COG7: variants seen among roughly 807,000 people sequenced by gnomAD.
The protein encoded by COG7 is conserved oligomeric Golgi complex subunit 7.
COG7 carries 49 observed loss-of-function variants against 91.5 expected under a neutral mutation model. The ratio of observed to expected loss-of-function variants is 0.54; its 90% confidence interval spans 0.43 to 0.68. The LOEUF is 0.68. Among genes scored for constraint, COG7 ranks in the 30% least tolerant of loss-of-function variants. The probability of loss-of-function intolerance (pLI) is 0.00; values close to 1 mark genes in which losing one functional copy is unlikely to be tolerated. For synonymous variants in COG7, 365 were observed against 388.7 expected (o/e 0.94, Z 0.72); for missense variants, 895 against 961.3 (o/e 0.93, Z 0.91).
At chr16:23,445,308 T>G (rs1964163926) in intron 2 of COG7, 144 bp from the exon 3 acceptor site, 2 of 759,892 alleles carry the variant, frequency 2.6e-6, no homozygotes, top group Non-Finnish European at 4.8e-6. Flanking sequence ...CTGGCTAAAT[T>G]TATTCAGCAG....
At position 23,393,287 on chromosome 16, in the gene COG7, A is replaced by G. The variant is rs761925269; in HGVS notation, c.1948T>C (p.Ser650Pro). 155 of 1,614,094 alleles carry G rather than the reference A, an allele frequency of 9.6e-5. No individual in the cohort carries two copies. The highest frequency in any genetic ancestry group is 1.2e-4 in the Non-Finnish European group (144 of 1,180,050). Reference protein sequence around the residue: ...NLEPFVTQEDSALELALHAGK... With the variant: ...NLEPFVTQEDPALELALHAGK... ...GCGTGCAATGCCAACTCTAAGGCAG[A>G]GTCCTCCTGAGTCACAAATGGCTCA... The change falls in exon 15 of 17, where the codon TCT (serine) becomes CCT (proline). Residue 650 changes from serine (S) to proline (P), a missense_variant. Physicochemically the swap from Ser to Pro is moderately conservative, Grantham distance 74. Transcript: ENST00000307149.
At chr16:23,390,622 G>A (rs775650631) in intron 16 of COG7, among the ~76,000 whole-genome samples, 1 of 151,980 alleles carries the variant, frequency 6.6e-6, no homozygotes, top group Non-Finnish European at 1.5e-5. Context: ...TTAATATTTT[G>A]TAGAGACAGG....
chr16:23,431,329 G>T (rs957854302), intron 6 of COG7, among the ~76,000 whole-genome samples: 3 of 152,166 alleles, frequency 2.0e-5, no homozygotes, highest in Middle Eastern at 6.8e-3. Flanking sequence ...AAAGAAAATG[G>T]GCCACAGGCC....
At chr16:23,405,770 G>A (rs1963450991) in intron 12 of COG7, among the ~76,000 whole-genome samples, 1 of 152,032 alleles carries the variant, frequency 6.6e-6, no homozygotes, top group Non-Finnish European at 1.5e-5. Flanking sequence ...ACCCACCTCG[G>A]CCTCCCAAAG....
In COG7 at chr16:23,442,503, A is replaced by G. The variant is rs777936029; in HGVS notation, c.578T>C (p.Val193Ala). The G allele has an allele frequency of 2.5e-6, 4 of 1,613,962 alleles. No individual in the cohort carries two copies. Among genetic ancestry groups the G allele is most frequent in the Admixed American group, 3.3e-5 (2 of 59,978 alleles). Residue 193 changes from valine to alanine, a missense_variant, in exon 4 of 17, where the codon GTA becomes GCA. By Grantham distance (64) the Val-to-Ala change is moderately conservative. Coordinates refer to ENST00000307149, the MANE Select transcript of COG7 (RefSeq NM_153603.4). Reference sequence around the variant, plus strand: ...TACAGCCTGAGAGGTGAATGCCGCTACAATCTGTGGACTGGCTAGGGCCTC... The same window carrying G: ...TACAGCCTGAGAGGTGAATGCCGCTGCAATCTGTGGACTGGCTAGGGCCTC... The part of the protein sequence containing the change: ...RLEALASPQI[V>A]AAFTSQAVDQ...
At chr16:23,391,413 G>C (rs531311670) in intron 16 of COG7, among the ~76,000 whole-genome samples, 1 of 152,200 alleles carries the variant, frequency 6.6e-6, no homozygotes, top group East Asian at 1.9e-4. Flanking sequence ...AAGGCTGCCT[G>C]TTCCTCTGGT....
At chr16:23,447,637 C>T (rs1964203169) in intron 1 of COG7, among the ~76,000 whole-genome samples, 1 of 151,952 alleles carries the variant, frequency 6.6e-6, no homozygotes, top group African/African-American at 2.4e-5. Context: ...CGTGGTGGCT[C>T]ATGCCTGTAA....
In COG7 at chr16:23,434,738, T is replaced by C. The variant is rs1321641907; in HGVS notation, c.605-20A>G. 1 of 1,544,992 alleles carries C rather than the reference T, an allele frequency of 6.5e-7. No homozygotes were observed. Among genetic ancestry groups the C allele is most frequent in the Non-Finnish European group, 9.0e-7 (1 of 1,117,044 alleles). ...ACTGATCTAAAGAACATACAATGTA[T>C]ATATACTGTTACCAGCCTTTCTGGT... On this transcript the variant is annotated intron_variant, in intron 4 of 16. Coordinates refer to ENST00000307149, the MANE Select transcript of COG7 (RefSeq NM_153603.4).
At chr16:23,441,854 A>G (rs933754001) in intron 4 of COG7, 1 of 153,084 alleles carries the variant, frequency 6.5e-6, no homozygotes, top group Non-Finnish European at 1.5e-5. Context: ...TAGAAGACAG[A>G]ATTCACAGAA....
chr16:23,405,308 C>G (rs1185321706), intron 12 of COG7, among the ~76,000 whole-genome samples: 1 of 152,112 alleles, frequency 6.6e-6, no homozygotes, highest in Non-Finnish European at 1.5e-5. Flanking sequence ...AATGACTTCT[C>G]TTGCTCCTCC....
chr16:23,416,717 C>T lies in COG7; in HGVS notation c.1292+250G>A, dbSNP rs1320380913. 81 of 552,788 alleles carry T rather than the reference C, an allele frequency of 1.5e-4. No homozygotes were observed. The South Asian group carries it at 1.7e-3, about 12-fold the overall frequency. The allele number at this position is 552,788 out of a possible 1,614,324, so 34.2% of individuals were successfully genotyped here. A position where few individuals can be genotyped will look rare whatever the true frequency, so the allele number is the denominator to read the frequency against. On this transcript the variant is annotated intron_variant, in intron 9 of 16. Coordinates refer to ENST00000307149, the MANE Select transcript of COG7 (RefSeq NM_153603.4). ...TTTTTTTCTTAACATACTTTAACTGCTGCACAAGTTTCCCTCATATGAATA... is the reference window on the plus strand; with the variant it reads ...TTTTTTTCTTAACATACTTTAACTGTTGCACAAGTTTCCCTCATATGAATA...
In COG7 at chr16:23,406,109, A is replaced by G. The variant is rs760342154; in HGVS notation, c.1629T>C (p.Tyr543=). The change falls in exon 12 of 17, where the codon TAT becomes TAC. Residue 543 remains tyrosine (Y), a synonymous_variant. Coordinates refer to ENST00000307149, the MANE Select transcript of COG7 (RefSeq NM_153603.4). The part of the protein sequence containing the change: ...NYLQKDNPAE[Y]ASLMEILYTL... ...TATAAAGTATTTCCATTAAACTGGCATATTCAGCAGGGTTATCTTTCTGGA... is the reference window on the plus strand; with the variant it reads ...TATAAAGTATTTCCATTAAACTGGCGTATTCAGCAGGGTTATCTTTCTGGA... 1.7e-5 allele frequency: 28 copies of G among 1,614,016 alleles called. No individual in the cohort carries two copies. The highest frequency in any genetic ancestry group is 2.1e-5 in the Non-Finnish European group (25 of 1,180,012).
At chr16:23,414,156 C>G (rs776404264) in intron 9 of COG7, 26 of 158,326 alleles carry the variant, frequency 1.6e-4, no homozygotes, top group Non-Finnish European at 2.7e-4. Flanking sequence ...TCTCACTGTA[C>G]ACACATACTT....
Position 23,434,660 on chromosome 16 carries a change from C to A in COG7, c.663G>T (p.Leu221=). 6.2e-7 allele frequency: 1 copy of A among 1,613,856 alleles called. No homozygotes were observed. Among genetic ancestry groups the A allele is most frequent in the Non-Finnish European group, 8.5e-7 (1 of 1,179,750 alleles). The change falls in exon 5 of 17, where the codon CTG becomes CTT. Residue 221 remains leucine, a synonymous_variant. Coordinates refer to ENST00000307149, the MANE Select transcript of COG7 (RefSeq NM_153603.4). Reference sequence around the variant, plus strand: ...CCTTGTGACACTTGTAGTAGTAGGCCAGGAGCTGGGGCATCCGGTCAATTT... The same window carrying A: ...CCTTGTGACACTTGTAGTAGTAGGCAAGGAGCTGGGGCATCCGGTCAATTT... ...FTEIDRMPQL[L]AYYYKCHKVQ... is the part of the protein sequence containing the mutation.
rs535331270 is a variant in COG7, at chr16:23,401,482, T to C, written c.1803+2212A>G. Among the ~76,000 whole-genome samples the C allele has an allele frequency of 8.6e-4, 131 of 152,226 alleles. 1 individual carries two copies. Among genetic ancestry groups the C allele is most frequent in the African/African-American group, 3.0e-3 (124 of 41,538 alleles). ...CCCCTGTTTAAATGTAGAACTAAGC[T>C]GGGAAGCACTGAGGTTTCAGAACAG... is the stretch of plus-strand genomic sequence containing the variant. On this transcript the variant is annotated intron_variant, in intron 13 of 16. Coordinates refer to ENST00000307149, the MANE Select transcript of COG7 (RefSeq NM_153603.4).
At chr16:23,399,666 G>A (rs949236269) in intron 13 of COG7, among the ~76,000 whole-genome samples, 9 of 152,044 alleles carry the variant, frequency 5.9e-5, no homozygotes, top group Admixed American at 1.3e-4. Flanking sequence ...AGCTCAGGGC[G>A]ATTAGAGAAG....
At chr16:23,400,510 C>A (rs1963357267) in intron 13 of COG7, among the ~76,000 whole-genome samples, 1 of 152,126 alleles carries the variant, frequency 6.6e-6, no homozygotes, top group Non-Finnish European at 1.5e-5. Context: ...TGCCATCCAT[C>A]CCAGGGACTG....
intron 11 of COG7, 38 bp downstream of exon 11, chr16:23,410,257 A>AC: frequency 1.3e-6 from 2 of 1,581,204 alleles, no homozygotes; most frequent in Non-Finnish European, 1.7e-6. Flanking sequence ...CTGATCAGGA[A>AC]CCCCAGGGTG....
intron 1 of COG7, among the ~76,000 whole-genome samples, chr16:23,451,733 A>G (rs1964269556): frequency 1.3e-5 from 2 of 151,798 alleles, no homozygotes; most frequent in Admixed American, 6.6e-5. Context: ...CTCAAAAAAA[A>G]AAAAAAAAAA....
Sources: gnomAD v4.1 joint callset for allele counts (sites outside exome capture counted in the v4.1 genomes callset) on GRCh38, gnomAD v4.1.1 for gene constraint, MANE v1.5 for transcripts, NCBI Gene and HGNC (gene_info 2026-07-23, HGNC 2026-07-21) for gene names.